The following PLCB4 variants were observed in gnomAD, a reference collection of about 807,000 sequenced individuals.
PLCB4 encodes the protein phospholipase C beta 4.
In PLCB4, 77 loss-of-function variants were observed where a neutral mutation model predicts 178.8. That is an observed-to-expected ratio of 0.43 (90% CI 0.36 to 0.52). PLCB4 has a LOEUF of 0.52. Ranked by LOEUF, PLCB4 falls within the 20% of genes least tolerant of loss-of-function variation. The pLI, the probability that PLCB4 is intolerant of heterozygous loss-of-function variation, is 0.00. For missense variants in PLCB4, 1,024 were observed against 1,453.4 expected (o/e 0.70, Z 4.80); for synonymous variants, 496 against 490.8 (o/e 1.01, Z -0.14).
intron 3 of PLCB4, among the ~76,000 whole-genome samples, chr20:9,254,392 G>T (rs930994744): frequency 6.6e-6 from 1 of 152,242 alleles, no homozygotes. Context: ...TTTGATGTAG[G>T]ATTAAAAATG....
intron 3 of PLCB4, among the ~76,000 whole-genome samples, chr20:9,292,165 A>G (rs926783876): frequency 2.6e-5 from 4 of 152,204 alleles, no homozygotes; most frequent in African/African-American, 9.6e-5. Flanking sequence ...GGCTTACTCC[A>G]TACTCACGCC....
At chr20:9,421,563 ATCT>A (rs1425633112) in intron 27 of PLCB4, 102 bp downstream of exon 27, 2 of 884,942 alleles carry the variant, frequency 2.3e-6, no homozygotes, top group Admixed American at 4.1e-5. Context: ...AACCGACAAC[ATCT>A]TCTTTTTCTC....
At chr20:9,440,080 G>C (rs148394003) in intron 30 of PLCB4, among the ~76,000 whole-genome samples, 2 of 152,280 alleles carry the variant, frequency 1.3e-5, no homozygotes, top group East Asian at 3.9e-4. Context: ...TCTTTCATCA[G>C]CTTAGCCTGG....
At chr20:9,367,171 T>A (rs1422850490) in intron 9 of PLCB4, among the ~76,000 whole-genome samples, 1 of 152,250 alleles carries the variant, frequency 6.6e-6, no homozygotes, top group Non-Finnish European at 1.5e-5. Flanking sequence ...TTTTTCTCAA[T>A]CTTGTATATT....
At chr20:9,450,658 CTTTTTTT>C (rs60982044) in intron 32 of PLCB4, among the ~76,000 whole-genome samples, 1 of 100,248 alleles carries the variant, frequency 1.0e-5, no homozygotes, top group Non-Finnish European at 2.1e-5. Context: ...CTTTTCTTTT[CTTTTTTT>C]TTTTTTTTTT....
At chr20:9,348,374 T>A (rs1382663658) in intron 7 of PLCB4, among the ~76,000 whole-genome samples, 2 of 152,220 alleles carry the variant, frequency 1.3e-5, no homozygotes, top group Admixed American at 6.5e-5. Context: ...AGATTCTGAT[T>A]CTGATTAACT....
At chr20:9,448,947 A>C (rs976652) in intron 32 of PLCB4, among the ~76,000 whole-genome samples, 6 of 152,074 alleles carry the variant, frequency 3.9e-5, no homozygotes, top group Non-Finnish European at 8.8e-5. Context: ...ATTGAGAAGA[A>C]AAGATGGGGG....
intron 7 of PLCB4, among the ~76,000 whole-genome samples, chr20:9,359,050 C>T (rs1038316156): frequency 8.5e-5 from 13 of 152,082 alleles, no homozygotes; most frequent in Non-Finnish European, 1.6e-4. Context: ...ATATTGTTTT[C>T]ATAAACTGGG....
Position 9,390,482 on chromosome 20 carries a change from G to A in PLCB4, c.1239-49G>A, listed in dbSNP as rs41275608. 0.033 allele frequency: 27,912 copies of A among 857,818 alleles called. 603 individuals are homozygous for A. The highest frequency in any genetic ancestry group is 0.038 in the Non-Finnish European group (19,200 of 503,708). 53.1% of individuals were successfully genotyped at this position (857,818 alleles called of 1,614,324 possible). A position where few individuals can be genotyped will look rare whatever the true frequency, so the allele number is the denominator to read the frequency against. Reference sequence around the variant, plus strand: ...TAGTAATGGGTGTTTCTTATTCTTGGACGGTTAATGGGTGTTTGAATTTAC... The same window carrying A: ...TAGTAATGGGTGTTTCTTATTCTTGAACGGTTAATGGGTGTTTGAATTTAC... On this transcript the variant is annotated intron_variant, in intron 16 of 39. Coordinates refer to ENST00000378473, the MANE Select transcript of PLCB4 (RefSeq NM_001377142.1).
At chr20:9,103,188 G>A (rs2091239030) in intron 2 of PLCB4, among the ~76,000 whole-genome samples, 1 of 152,038 alleles carries the variant, frequency 6.6e-6, no homozygotes, top group Admixed American at 6.6e-5. Context: ...CCAGTATGGA[G>A]TGCTTCTCAA....
chr20:9,375,713 A>G (rs1197888577), intron 12 of PLCB4, among the ~76,000 whole-genome samples: 1 of 152,192 alleles, frequency 6.6e-6, no homozygotes, highest in African/African-American at 2.4e-5. Context: ...TGGAAAGGAC[A>G]AGGTCCTAGT....
chr20:9,442,275 A>T (rs1765235682), intron 30 of PLCB4, among the ~76,000 whole-genome samples: 1 of 152,206 alleles, frequency 6.6e-6, no homozygotes, highest in Admixed American at 6.5e-5. Flanking sequence ...AGAGGCCGTC[A>T]GTTGGACAGA....
At chr20:9,357,962 T>C (rs554741965) in intron 7 of PLCB4, among the ~76,000 whole-genome samples, 1 of 152,358 alleles carries the variant, frequency 6.6e-6, no homozygotes, top group African/African-American at 2.4e-5. Flanking sequence ...ACCAGTCATC[T>C]GGGGATCATG....
At chr20:9,230,299 T>C (rs1226867997) in intron 3 of PLCB4, among the ~76,000 whole-genome samples, 1 of 152,130 alleles carries the variant, frequency 6.6e-6, no homozygotes, top group Non-Finnish European at 1.5e-5. Flanking sequence ...TCTGAGGTAC[T>C]TGGGGGTTAA....
chr20:9,229,883 G>T (rs1301134595), intron 3 of PLCB4, among the ~76,000 whole-genome samples: 1 of 151,780 alleles, frequency 6.6e-6, no homozygotes, highest in East Asian at 1.9e-4. Context: ...CATTTTTTTT[G>T]AAGGTTAAAA....
chr20:9,457,754 C>T (rs1202078594), intron 34 of PLCB4, among the ~76,000 whole-genome samples: 2 of 151,794 alleles, frequency 1.3e-5, no homozygotes, highest in African/African-American at 4.8e-5. Context: ...TCAGAGGCAT[C>T]AAGGAAAATA....
In PLCB4 at chr20:9,280,372, T is replaced by C. The variant is rs1050244765; in HGVS notation, c.-15-27428T>C. 22 of 736,304 alleles carry C rather than the reference T, an allele frequency of 3.0e-5. No homozygotes were observed. In the East Asian group the frequency reaches 2.6e-3, roughly 87 times the overall value. 45.6% of individuals were successfully genotyped at this position (736,304 alleles called of 1,614,324 possible). ...GGCTCTTCACATTGGATTTCCAAGT[T>C]GGGAAGAGAAGGCAGGAAGACCTAT... On this transcript the variant is annotated intron_variant, in intron 3 of 39. Transcript: ENST00000378473.
At chr20:9,402,678 G>A (rs13042534) in intron 20 of PLCB4, among the ~76,000 whole-genome samples, 9,783 of 152,228 alleles carry the variant, frequency 0.064, 346 homozygotes, top group Middle Eastern at 0.11. Flanking sequence ...CAATGCATCA[G>A]AGAGGACTGA....
intron 2 of PLCB4, among the ~76,000 whole-genome samples, chr20:9,100,382 A>T (rs563435653): frequency 6.6e-6 from 1 of 151,948 alleles, no homozygotes; most frequent in Non-Finnish European, 1.5e-5. Context: ...GTTATTGTTA[A>T]TTTTTTTTAG....
Sources: allele counts gnomAD v4.1 joint callset (sites outside exome capture counted in the v4.1 genomes callset), GRCh38; gene constraint gnomAD v4.1.1; transcripts MANE v1.5; gene names NCBI Gene and HGNC (gene_info 2026-07-23, HGNC 2026-07-21).